The following ESRRG variants were observed in gnomAD, a reference collection of about 807,000 sequenced individuals.
ESRRG encodes estrogen-related receptor gamma.
Under a neutral mutation model 44.0 loss-of-function variants are expected in ESRRG, and 13 were observed. That is an observed-to-expected ratio of 0.30 (90% CI 0.19 to 0.47). The LOEUF is 0.47. Among genes scored for constraint, ESRRG ranks in the 20% least tolerant of loss-of-function variants. The pLI is 1.00. For synonymous variants in ESRRG, 215 were observed against 214.6 expected, an observed-to-expected ratio of 1.00 and a Z score of -0.02; for missense variants, 395 against 580.6, an observed-to-expected ratio of 0.68 and a Z score of 3.29.
chr1:216,608,306 C>A (rs532102794), intron 3 of ESRRG, among the ~76,000 whole-genome samples: 6 of 152,260 alleles, frequency 3.9e-5, no homozygotes, highest in Admixed American at 3.9e-4. Flanking sequence ...TGAAACAATG[C>A]GTATTTCATG....
intron 1 of ESRRG, among the ~76,000 whole-genome samples, chr1:216,971,971 T>G (rs1181807711): frequency 2.0e-5 from 3 of 152,230 alleles, no homozygotes; most frequent in African/African-American, 7.2e-5. Context: ...TCTGAGAGAT[T>G]CATATTGATT....
At chr1:216,542,607 C>G (rs538165077) in intron 5 of ESRRG, among the ~76,000 whole-genome samples, 61 of 152,074 alleles carry the variant, frequency 4.0e-4, no homozygotes, top group African/African-American at 1.3e-3. Flanking sequence ...TATCTCTAAT[C>G]GTCCTTCAAA....
At chr1:216,674,396 A>C (rs966622771) in intron 2 of ESRRG, among the ~76,000 whole-genome samples, 7 of 152,216 alleles carry the variant, frequency 4.6e-5, no homozygotes, top group Non-Finnish European at 1.0e-4. Context: ...CCAGTAAATG[A>C]AAGATTTTTG....
At chr1:216,569,711 A>T (rs1160752691) in intron 3 of ESRRG, among the ~76,000 whole-genome samples, 1 of 152,240 alleles carries the variant, frequency 6.6e-6, no homozygotes, top group Non-Finnish European at 1.5e-5. Flanking sequence ...ACAATGTAAA[A>T]GTATTCATTA....
intron 1 of ESRRG, among the ~76,000 whole-genome samples, chr1:217,133,916 C>T (rs2093011104): frequency 6.6e-6 from 1 of 152,044 alleles, no homozygotes; most frequent in African/African-American, 2.4e-5. Context: ...ATTTAGAGGT[C>T]AGAGCCACCG....
At chr1:216,800,263 C>A (rs539810604) in intron 2 of ESRRG, among the ~76,000 whole-genome samples, 1 of 152,240 alleles carries the variant, frequency 6.6e-6, no homozygotes, top group South Asian at 2.1e-4. Context: ...CAATCCAGAA[C>A]AACAAAAGGA....
chr1:217,004,679 A>G (rs546876206), intron 1 of ESRRG, among the ~76,000 whole-genome samples: 2 of 152,316 alleles, frequency 1.3e-5, no homozygotes, highest in African/African-American at 2.4e-5. Flanking sequence ...TTTGAAAGAA[A>G]ACAGATTGTG....
intron 1 of ESRRG, among the ~76,000 whole-genome samples, chr1:217,128,018 T>A (rs1455601821): frequency 6.6e-6 from 1 of 152,196 alleles, no homozygotes; most frequent in Non-Finnish European, 1.5e-5. Flanking sequence ...GCCACACATG[T>A]GCTCGCTGGC....
chr1:216,546,502 G>A (rs1205476859), intron 5 of ESRRG, among the ~76,000 whole-genome samples: 3 of 152,030 alleles, frequency 2.0e-5, no homozygotes, highest in Middle Eastern at 3.2e-3. Context: ...TCGGTTTAAT[G>A]CTCTGTTGTC....
At chr1:216,890,947 T>C (rs1308932587) in intron 2 of ESRRG, among the ~76,000 whole-genome samples, 1 of 152,156 alleles carries the variant, frequency 6.6e-6, no homozygotes. Context: ...CTTCGAGTAA[T>C]AACTTCTAGG....
chr1:216,821,188 C>T (rs934992468), intron 2 of ESRRG, among the ~76,000 whole-genome samples: 1 of 152,168 alleles, frequency 6.6e-6, no homozygotes, highest in African/African-American at 2.4e-5. Flanking sequence ...ACCTTACTTG[C>T]TCCCTCCTTC....
intron 2 of ESRRG, among the ~76,000 whole-genome samples, chr1:216,860,389 A>G (rs1559897259): frequency 6.6e-6 from 1 of 152,182 alleles, no homozygotes; most frequent in East Asian, 1.9e-4. Context: ...ATAAGCCTAC[A>G]GATTAGTGAA....
At chr1:216,937,755 G>A (rs894879685) in intron 2 of ESRRG, among the ~76,000 whole-genome samples, 3 of 152,164 alleles carry the variant, frequency 2.0e-5, no homozygotes, top group Non-Finnish European at 4.4e-5. Flanking sequence ...ATGTTGCAGG[G>A]GAAAGAGCAT....
intron 2 of ESRRG, among the ~76,000 whole-genome samples, chr1:216,888,607 T>A (rs2057365505): frequency 6.6e-6 from 1 of 152,170 alleles, no homozygotes; most frequent in Non-Finnish European, 1.5e-5. Flanking sequence ...TCGTACAGAC[T>A]CTCACCAATA....
chr1:216,966,180 G>A (rs1444543485), intron 1 of ESRRG, among the ~76,000 whole-genome samples: 2 of 152,152 alleles, frequency 1.3e-5, no homozygotes, highest in African/African-American at 2.4e-5. Context: ...CCCAGCAAAT[G>A]TTAGGGACAT....
intron 1 of ESRRG, among the ~76,000 whole-genome samples, chr1:217,099,240 C>T (rs564896935): frequency 1.7e-4 from 26 of 152,178 alleles, no homozygotes; most frequent in Non-Finnish European, 1.5e-5. Context: ...AAGGCATCTT[C>T]TTCACAGTTA....
At chr1:216,794,335 C>T (rs977937959) in intron 2 of ESRRG, among the ~76,000 whole-genome samples, 1 of 152,106 alleles carries the variant, frequency 6.6e-6, no homozygotes, top group Non-Finnish European at 1.5e-5. Flanking sequence ...TAACTTAAAC[C>T]GCTTGGGGGG....
At chr1:216,662,530 T>C (rs991023205) in intron 2 of ESRRG, among the ~76,000 whole-genome samples, 4 of 152,098 alleles carry the variant, frequency 2.6e-5, no homozygotes, top group Non-Finnish European at 5.9e-5. Flanking sequence ...TCTGTATACC[T>C]GAACTGTCTT....
chr1:216,542,844 T>C (rs527731986), intron 5 of ESRRG, among the ~76,000 whole-genome samples: 2 of 152,094 alleles, frequency 1.3e-5, no homozygotes, highest in Non-Finnish European at 1.5e-5. Context: ...AATAATCCCA[T>C]TTTGCTGGGG....
Sources: gnomAD v4.1 joint callset for allele counts (sites outside exome capture counted in the v4.1 genomes callset) on GRCh38, gnomAD v4.1.1 for gene constraint, MANE v1.5 for transcripts, NCBI Gene and HGNC (gene_info 2026-07-23, HGNC 2026-07-21) for gene names.